Variants in CA10 observed in about 807,000 individuals in gnomAD.
CA10 encodes carbonic anhydrase-related protein 10.
CA10 carries 14 observed loss-of-function variants against 44.2 expected under a neutral mutation model. The ratio of observed to expected loss-of-function variants is 0.32; its 90% confidence interval spans 0.21 to 0.50. The LOEUF (loss-of-function observed/expected upper bound fraction) is 0.50. CA10 is among the 20% of genes least tolerant of loss of function. The probability of loss-of-function intolerance (pLI) is 0.99; values close to 1 mark genes in which losing one functional copy is unlikely to be tolerated. For synonymous variants in CA10, 159 were observed against 141.6 expected (o/e 1.12, Z -0.87); for missense variants, 350 against 409.7 (o/e 0.85, Z 1.26).
At chr17:52,066,156 G>C (rs1006372856) in intron 2 of CA10, among the ~76,000 whole-genome samples, 3 of 152,114 alleles carry the variant, frequency 2.0e-5, no homozygotes, top group Non-Finnish European at 4.4e-5. Context: ...AGAGTAAATT[G>C]GTATCACAGA....
intron 1 of CA10, among the ~76,000 whole-genome samples, chr17:52,140,960 G>A (rs754565680): frequency 6.6e-6 from 1 of 152,106 alleles, no homozygotes; most frequent in Admixed American, 6.5e-5. Context: ...ATCATCAGGG[G>A]GAAAGTTTGA....
chr17:52,114,370 G>C (rs1015312756), intron 1 of CA10, among the ~76,000 whole-genome samples: 1 of 152,122 alleles, frequency 6.6e-6, no homozygotes, highest in Non-Finnish European at 1.5e-5. Flanking sequence ...AACTACCTAG[G>C]TTCCAATCCC....
At chr17:51,651,032 T>C (rs1035124778) in intron 5 of CA10, among the ~76,000 whole-genome samples, 25 of 152,156 alleles carry the variant, frequency 1.6e-4, no homozygotes, top group Admixed American at 1.1e-3. Flanking sequence ...AGGACAGAGA[T>C]AAATAAAACT....
chr17:51,711,490 AT>A (rs1041710444), intron 4 of CA10, among the ~76,000 whole-genome samples: 1 of 152,182 alleles, frequency 6.6e-6, no homozygotes, highest in East Asian at 1.9e-4. Context: ...TGAAACACAG[AT>A]TTTTTTTCAG....
At chr17:51,949,003 T>C (rs1392286141) in intron 2 of CA10, among the ~76,000 whole-genome samples, 1 of 152,176 alleles carries the variant, frequency 6.6e-6, no homozygotes, top group Non-Finnish European at 1.5e-5. Context: ...TAAGCATTTG[T>C]TTCATATATA....
intron 3 of CA10, among the ~76,000 whole-genome samples, chr17:51,915,484 G>A (rs895654100): frequency 2.6e-5 from 4 of 152,142 alleles, no homozygotes; most frequent in African/African-American, 9.7e-5. Context: ...GCTTTCCCAT[G>A]TCTTCACAAT....
At chr17:51,755,741 C>A (rs1905056133) in intron 3 of CA10, among the ~76,000 whole-genome samples, 1 of 152,150 alleles carries the variant, frequency 6.6e-6, no homozygotes, top group Non-Finnish European at 1.5e-5. Context: ...GATGTTGTAC[C>A]ACTTTTTAGA....
chr17:51,862,607 G>C (rs1979361207), intron 3 of CA10, among the ~76,000 whole-genome samples: 1 of 152,030 alleles, frequency 6.6e-6, no homozygotes, highest in Non-Finnish European at 1.5e-5. Context: ...TCTTTGCTTG[G>C]ATCGCCATAA....
rs185055436 is a variant in CA10 at position 51,949,569 on chromosome 17, A to G, written c.137-18437T>C. Among the ~76,000 whole-genome samples the G allele has an allele frequency of 3.3e-5, 5 of 152,290 alleles. No individual in the cohort carries two copies. In the East Asian group the frequency reaches 9.7e-4, roughly 29 times the overall value. On this transcript the variant is annotated intron_variant, in intron 2 of 8. Coordinates refer to ENST00000451037, the MANE Select transcript of CA10 (RefSeq NM_020178.5). ...GTGGGTGAGGCTCTAAGGCACAGGCAAGGAGGTTAGTCTCTCACTGTGGCC... is the reference window on the plus strand; with the variant it reads ...GTGGGTGAGGCTCTAAGGCACAGGCGAGGAGGTTAGTCTCTCACTGTGGCC...
At chr17:51,930,883 A>T in intron 3 of CA10, 107 bp downstream of exon 3, 1 of 1,302,800 alleles carries the variant, frequency 7.7e-7, no homozygotes, top group Non-Finnish European at 1.1e-6. Context: ...TGGTATTCCT[A>T]GGTGGGAGGA....
chr17:51,922,370 T>C (rs1381490234), intron 3 of CA10, among the ~76,000 whole-genome samples: 1 of 152,198 alleles, frequency 6.6e-6, no homozygotes, highest in African/African-American at 2.4e-5. Context: ...CATCTGGTCA[T>C]CCATGGCCAT....
intron 3 of CA10, among the ~76,000 whole-genome samples, chr17:51,890,932 T>G (rs1233423396): frequency 1.3e-5 from 2 of 152,022 alleles, no homozygotes; most frequent in East Asian, 3.8e-4. Flanking sequence ...GAAAGAGTCT[T>G]ATGAACCAAG....
At chr17:51,808,386 T>C (rs1461712180) in intron 3 of CA10, among the ~76,000 whole-genome samples, 6 of 152,252 alleles carry the variant, frequency 3.9e-5, no homozygotes, top group African/African-American at 1.4e-4. Flanking sequence ...AGTTTGGATC[T>C]AAGAAATTTT....
chr17:51,916,283 C>T (rs548983326), intron 3 of CA10, among the ~76,000 whole-genome samples: 1 of 152,180 alleles, frequency 6.6e-6, no homozygotes, highest in Non-Finnish European at 1.5e-5. Flanking sequence ...AAAGCCATAC[C>T]TATATGCCAT....
At chr17:52,036,643 C>G (rs576327891) in intron 2 of CA10, among the ~76,000 whole-genome samples, 12 of 152,298 alleles carry the variant, frequency 7.9e-5, no homozygotes, top group South Asian at 6.2e-4. Flanking sequence ...GGAATTCTGG[C>G]TCTGCTACTT....
At chr17:51,827,343 C>CACACACACACAT (rs571773036) in intron 3 of CA10, among the ~76,000 whole-genome samples, 3 of 151,586 alleles carry the variant, frequency 2.0e-5, no homozygotes, top group Non-Finnish European at 2.9e-5. Context: ...CACACACACA[C>CACACACACACAT]ACACACACAC....
intron 3 of CA10, among the ~76,000 whole-genome samples, chr17:51,802,932 T>C (rs1906990849): frequency 6.6e-6 from 1 of 152,152 alleles, no homozygotes; most frequent in African/African-American, 2.4e-5. Context: ...AAAACAGTCA[T>C]CTCGTTGACA....
At chr17:52,072,186 T>G (rs1483078948) in intron 2 of CA10, 133 bp downstream of exon 2, 1 of 604,960 alleles carries the variant, frequency 1.7e-6, no homozygotes, top group Admixed American at 3.1e-5. Context: ...TAACAAACTT[T>G]GTCTTGATGG....
chr17:51,804,931 G>C (rs1371051236), intron 3 of CA10, among the ~76,000 whole-genome samples: 2 of 152,114 alleles, frequency 1.3e-5, no homozygotes, highest in Non-Finnish European at 2.9e-5. Flanking sequence ...CCACTTTGAG[G>C]GTGGAGAACT....
Sources: allele counts gnomAD v4.1 joint callset (sites outside exome capture counted in the v4.1 genomes callset), GRCh38; gene constraint gnomAD v4.1.1; transcripts MANE v1.5; gene names NCBI Gene and HGNC (gene_info 2026-07-23, HGNC 2026-07-21).